The following DRG1 variants were observed in gnomAD, a reference collection of about 807,000 sequenced individuals.
DRG1 encodes the protein developmentally regulated GTP binding protein 1.
A neutral mutation model predicts 38.8 loss-of-function variants in DRG1; 19 were observed. The observed-to-expected ratio is 0.49, with a 90% confidence interval of 0.34 to 0.72. The LOEUF (loss-of-function observed/expected upper bound fraction) is 0.72, where lower values mean the gene tolerates loss of function less well. DRG1 is among the 30% of genes least tolerant of loss of function. The pLI, the probability that DRG1 is intolerant of heterozygous loss-of-function variation, is 0.01. For synonymous variants in DRG1, 167 were observed against 157.5 expected (o/e 1.06, Z -0.45); for missense variants, 299 against 444.8 (o/e 0.67, Z 2.95).
In DRG1 at chr22:31,420,488, G is replaced by A. The variant is rs532120254; in HGVS notation, c.582+63G>A. 125 of 1,593,834 alleles carry A rather than the reference G, an allele frequency of 7.8e-5. No individual in the cohort carries two copies. The East Asian group carries it at 2.7e-3, about 34-fold the overall frequency. On this transcript the variant is annotated intron_variant, in intron 5 of 8. Transcript: ENST00000331457. ...GAATTGGAATGGGGAGTGGATTGGG[G>A]TGCATGGACCCTGACATTGGAAAAT...
Position 31,434,100 on chromosome 22 carries a change from C to A in DRG1, c.*129C>A. 2.7e-6 allele frequency: 2 copies of A among 733,104 alleles called. No individual in the cohort carries two copies. The highest frequency in any genetic ancestry group is 5.5e-5 in the East Asian group (2 of 36,470). 45.4% of individuals were successfully genotyped at this position (733,104 alleles called of 1,614,324 possible). Reference sequence around the variant, plus strand: ...TCCAGGGGAGGGAGATGGAGGCACCCAAACTGGAACTTCATTTGTCTTACC... The same window carrying A: ...TCCAGGGGAGGGAGATGGAGGCACCAAAACTGGAACTTCATTTGTCTTACC... On this transcript the variant is annotated 3_prime_UTR_variant, in exon 9 of 9. Transcript: ENST00000331457.
At chr22:31,400,809 G>A in intron 2 of DRG1, 66 bp downstream of exon 2, 1 of 1,544,074 alleles carries the variant, frequency 6.5e-7, no homozygotes, top group Non-Finnish European at 8.8e-7. Flanking sequence ...ACATACATGT[G>A]GTTTAAAAAT....
chr22:31,411,960 A>G (rs559666421), intron 4 of DRG1, among the ~76,000 whole-genome samples: 1 of 151,566 alleles, frequency 6.6e-6, no homozygotes, highest in East Asian at 1.9e-4. Flanking sequence ...TTGTTTTTTG[A>G]TAAAAAACCA....
chr22:31,402,037 C>CTAGA (rs1367113647), intron 2 of DRG1, among the ~76,000 whole-genome samples: 1 of 151,526 alleles, frequency 6.6e-6, no homozygotes, highest in African/African-American at 2.4e-5. Context: ...GGTGACAGAG[C>CTAGA]TAGACTCTGT....
At position 31,420,137 on chromosome 22, in the gene DRG1, T is replaced by C. The variant is rs1224411331; in HGVS notation, c.413-119T>C. The C allele has an allele frequency of 7.5e-6, 8 of 1,066,500 alleles. No homozygotes were observed. In the East Asian group the frequency reaches 1.8e-4, roughly 23 times the overall value. The allele number at this position is 1,066,500 out of a possible 1,614,324, so 66.1% of individuals were successfully genotyped here. ...TAAGAACTTCACGTATGCATGTATG[T>C]ATTACAGAAAAATCCTTTGACACTT... On this transcript the variant is annotated intron_variant, in intron 4 of 8. Coordinates refer to ENST00000331457, the MANE Select transcript of DRG1 (RefSeq NM_004147.4).
At chr22:31,422,129 G>GAAAGA (rs1445323746) in intron 5 of DRG1, among the ~76,000 whole-genome samples, 1 of 149,576 alleles carries the variant, frequency 6.7e-6, no homozygotes, top group Non-Finnish European at 1.5e-5. Context: ...AAGAAAGAAA[G>GAAAGA]AAAGAAAAGA....
At position 31,426,534 on chromosome 22, in the gene DRG1, G is replaced by C. The variant is rs773919193; in HGVS notation, c.714-81G>C. 108 of 1,309,764 alleles carry C rather than the reference G, an allele frequency of 8.2e-5. No homozygotes were observed. In the African/African-American group the frequency reaches 8.3e-4, roughly 10 times the overall value. The allele number at this position is 1,309,764 out of a possible 1,614,324, so 81.1% of individuals were successfully genotyped here. On this transcript the variant is annotated intron_variant, in intron 6 of 8. Coordinates refer to ENST00000331457, the MANE Select transcript of DRG1 (RefSeq NM_004147.4). The stretch of plus-strand genomic sequence containing the variant: ...CTCTTGGGAGCGCCAGTTGGGTCTG[G>C]GTGAGGGTGTGCTGTTCAACAGTCT...
chr22:31,407,283 C>T (rs2049994100), intron 3 of DRG1, among the ~76,000 whole-genome samples: 1 of 152,016 alleles, frequency 6.6e-6, no homozygotes, highest in Non-Finnish European at 1.5e-5. Flanking sequence ...AAACTTTTGC[C>T]TGCTCATTTT....
chr22:31,430,884 ATTT>A (rs1056394566), intron 8 of DRG1, among the ~76,000 whole-genome samples: 2 of 148,904 alleles, frequency 1.3e-5, no homozygotes, highest in South Asian at 2.1e-4. Flanking sequence ...TGCCCAGCAA[ATTT>A]TTTTTTTATT....
chr22:31,416,266 G>A (rs2050043882), intron 4 of DRG1, among the ~76,000 whole-genome samples: 1 of 152,102 alleles, frequency 6.6e-6, no homozygotes, highest in African/African-American at 2.4e-5. Flanking sequence ...GACAGAGTGA[G>A]ACTCTGTCTC....
intron 5 of DRG1, among the ~76,000 whole-genome samples, chr22:31,422,267 AC>A (rs1189331422): frequency 6.6e-6 from 1 of 152,054 alleles, no homozygotes; most frequent in Non-Finnish European, 1.5e-5. Flanking sequence ...CCCTGTCTGT[AC>A]TAAAAATACA....
chr22:31,403,977 C>CTTTTTT (rs11295429), intron 3 of DRG1, among the ~76,000 whole-genome samples: 66 of 81,758 alleles, frequency 8.1e-4, no homozygotes, highest in Non-Finnish European at 1.1e-3. Context: ...AAGAGAATAA[C>CTTTTTT]TTTTTTTTTT....
intron 8 of DRG1, among the ~76,000 whole-genome samples, chr22:31,432,848 C>T (rs1392728496): frequency 1.3e-5 from 2 of 152,126 alleles, no homozygotes; most frequent in Non-Finnish European, 2.9e-5. Flanking sequence ...CATGAGCCAC[C>T]GTGCCCGGCC....
intron 8 of DRG1, among the ~76,000 whole-genome samples, chr22:31,430,938 G>T (rs1317341883): frequency 1.4e-5 from 2 of 146,844 alleles, no homozygotes; most frequent in Admixed American, 1.4e-4. Flanking sequence ...GGCTGGTCTC[G>T]AACTCCTGGG....
chr22:31,409,894 C>T (rs1203166735), intron 3 of DRG1, among the ~76,000 whole-genome samples: 3 of 151,892 alleles, frequency 2.0e-5, no homozygotes, highest in East Asian at 3.9e-4. Context: ...ACTCTGGAGG[C>T]TGAGACAGGA....
chr22:31,418,857 A>G (rs572411321), intron 4 of DRG1, among the ~76,000 whole-genome samples: 11 of 151,962 alleles, frequency 7.2e-5, no homozygotes, highest in Admixed American at 3.3e-4. Context: ...AATTTTTTGA[A>G]TTTTTAGTAG....
chr22:31,404,506 C>G (rs927106876), intron 3 of DRG1, among the ~76,000 whole-genome samples: 1 of 151,896 alleles, frequency 6.6e-6, no homozygotes, highest in Non-Finnish European at 1.5e-5. Flanking sequence ...TCCCAAAGTG[C>G]TGGGATTACA....
chr22:31,424,887 C>T (rs71331291), intron 6 of DRG1, among the ~76,000 whole-genome samples: 6 of 145,926 alleles, frequency 4.1e-5, no homozygotes, highest in Non-Finnish European at 7.5e-5. Context: ...ACTGCAACCT[C>T]TGCCTCCCGG....
In DRG1 at chr22:31,433,249, TTCTC is replaced by T. The variant is rs71729023; in HGVS notation, c.1005-621_1005-618del. Among the ~76,000 whole-genome samples the T allele has an allele frequency of 5.6e-3, 853 of 151,900 alleles. 11 individuals carry two copies. Among genetic ancestry groups the T allele is most frequent in the African/African-American group, 0.019 (789 of 41,448 alleles). On this transcript the variant is annotated intron_variant, in intron 8 of 8. Coordinates refer to ENST00000331457, the MANE Select transcript of DRG1 (RefSeq NM_004147.4). ...AATCAGTCTGAAATTTTCAGGGTAT[TTCTC>T]TATGAAGATTAAAGACGGATTTTTT...
Sources: gnomAD v4.1 joint callset for allele counts (sites outside exome capture counted in the v4.1 genomes callset) on GRCh38, gnomAD v4.1.1 for gene constraint, MANE v1.5 for transcripts, NCBI Gene and HGNC (gene_info 2026-07-23, HGNC 2026-07-21) for gene names.